UBASH3B: variants seen among roughly 807,000 people sequenced by gnomAD.
The protein encoded by UBASH3B is ubiquitin-associated and SH3 domain-containing protein B.
A neutral mutation model predicts 83.4 loss-of-function variants in UBASH3B; 37 were observed. That is an observed-to-expected ratio of 0.44 (90% CI 0.34 to 0.58). UBASH3B has a LOEUF of 0.58. Ranked by LOEUF, UBASH3B falls within the 20% of genes least tolerant of loss-of-function variation. UBASH3B has a pLI of 0.01. For missense variants in UBASH3B, 657 were observed against 827.2 expected (o/e 0.79, Z 2.52); for synonymous variants, 304 against 318.3 (o/e 0.96, Z 0.48).
chr11:122,776,444 G>C (rs1860736700), intron 2 of UBASH3B, among the ~76,000 whole-genome samples, 172 bp downstream of exon 2: 1 of 152,170 alleles, frequency 6.6e-6, no homozygotes, highest in Non-Finnish European at 1.5e-5. Flanking sequence ...CCTGGCCCCA[G>C]GGTATGTTTC....
intron 1 of UBASH3B, among the ~76,000 whole-genome samples, chr11:122,754,008 ACT>A (rs140826231): frequency 0.02 from 2,998 of 152,098 alleles, 41 homozygotes; most frequent in Non-Finnish European, 0.031. Flanking sequence ...TCATATCTGC[ACT>A]CTCTGACATG....
chr11:122,700,644 T>G (rs6589944), intron 1 of UBASH3B, among the ~76,000 whole-genome samples: 3 of 151,784 alleles, frequency 2.0e-5, no homozygotes, highest in Admixed American at 2.0e-4. Flanking sequence ...TTACAGGTGC[T>G]CACCACCACA....
intron 1 of UBASH3B, among the ~76,000 whole-genome samples, chr11:122,663,689 G>T (rs779419145): frequency 2.0e-5 from 3 of 152,146 alleles, no homozygotes; most frequent in Non-Finnish European, 4.4e-5. Flanking sequence ...TCCTTTCTTG[G>T]CCATCCAGAA....
intron 5 of UBASH3B, among the ~76,000 whole-genome samples, chr11:122,784,935 C>T (rs960436804): frequency 2.0e-5 from 3 of 151,992 alleles, no homozygotes; most frequent in Non-Finnish European, 2.9e-5. Flanking sequence ...TAGAACGAAC[C>T]CTGAAGATAA....
At chr11:122,763,224 A>G (rs76920923) in intron 1 of UBASH3B, among the ~76,000 whole-genome samples, 1,712 of 152,296 alleles carry the variant, frequency 0.011, 29 homozygotes, top group African/African-American at 0.039. Context: ...GTGTCTTATT[A>G]TGTCACCACC....
intron 1 of UBASH3B, among the ~76,000 whole-genome samples, chr11:122,741,091 T>TA (rs1477587620): frequency 6.6e-6 from 1 of 152,214 alleles, no homozygotes; most frequent in East Asian, 1.9e-4. Flanking sequence ...ATTCGCTCTT[T>TA]TCACCTTAAA....
chr11:122,806,395 AT>A lies in UBASH3B; in HGVS notation c.1596-10del. Reference sequence around the variant, plus strand: ...CAAAATGTTTTCATTTCCTTTGTTCATTTTTCTATTACAGACCTCACATTCC... The same window carrying A: ...CAAAATGTTTTCATTTCCTTTGTTCATTTTCTATTACAGACCTCACATTCC... On this transcript the variant is annotated splice_polypyrimidine_tract_variant and intron_variant, in intron 11 of 13. Transcript: ENST00000284273. The surrounding 1 kb of genome is among the most constrained non-coding windows in gnomAD (Gnocchi z 4.0). 1.3e-6 allele frequency: 2 copies of A among 1,585,714 alleles called. No homozygotes were observed. Among genetic ancestry groups the A allele is most frequent in the South Asian group, 2.4e-5 (2 of 84,214 alleles).
At chr11:122,711,052 T>G (rs1211115381) in intron 1 of UBASH3B, among the ~76,000 whole-genome samples, 2 of 152,234 alleles carry the variant, frequency 1.3e-5, no homozygotes, top group East Asian at 3.8e-4. Context: ...GGAGCCCTGT[T>G]CTCTGATGAC....
intron 1 of UBASH3B, among the ~76,000 whole-genome samples, chr11:122,761,866 A>G (rs1361102521): frequency 7.7e-6 from 1 of 130,230 alleles, no homozygotes; most frequent in East Asian, 2.3e-4. Context: ...ATCTCTGCTC[A>G]CTGCAACCTC....
At position 122,736,059 on chromosome 11, in the gene UBASH3B, GAT is replaced by G. The variant is rs529995270; in HGVS notation, c.162-40157_162-40156del. On this transcript the variant is annotated intron_variant, in intron 1 of 13. Coordinates refer to ENST00000284273, the MANE Select transcript of UBASH3B (RefSeq NM_032873.5). ...GCAGACTTGCCAGGTAAGAGACAAA[GAT>G]ATTCTGGCCCAAGACAGTGGAGGTT... is the stretch of plus-strand genomic sequence containing the variant. Among the ~76,000 whole-genome samples, 32 of 152,302 alleles carry G rather than the reference GAT, an allele frequency of 2.1e-4. 1 individual carries two copies. In the South Asian group the frequency reaches 6.2e-3, roughly 30 times the overall value.
intron 1 of UBASH3B, among the ~76,000 whole-genome samples, chr11:122,658,619 AT>A (rs1565519424): frequency 6.6e-6 from 1 of 152,250 alleles, no homozygotes; most frequent in African/African-American, 2.4e-5. Context: ...GAAGGGTTGC[AT>A]AACTTGCTCA....
intron 1 of UBASH3B, among the ~76,000 whole-genome samples, chr11:122,726,509 C>T (rs1860744925): frequency 6.6e-6 from 1 of 151,868 alleles, no homozygotes; most frequent in Non-Finnish European, 1.5e-5. Context: ...GCTACCATGC[C>T]CGGCTAATTT....
chr11:122,728,258 G>A (rs1327504872), intron 1 of UBASH3B, among the ~76,000 whole-genome samples: 1 of 152,136 alleles, frequency 6.6e-6, no homozygotes, highest in Admixed American at 6.6e-5. Context: ...CGTCATTTCT[G>A]TGGGCTTCCC....
intron 1 of UBASH3B, among the ~76,000 whole-genome samples, chr11:122,678,178 G>C (rs935687664): frequency 5.3e-5 from 8 of 152,146 alleles, no homozygotes; most frequent in Admixed American, 2.0e-4. Context: ...TTAAAGGTTA[G>C]GGCTTCAATA....
chr11:122,669,109 T>C (rs1863557295), intron 1 of UBASH3B, among the ~76,000 whole-genome samples: 1 of 152,218 alleles, frequency 6.6e-6, no homozygotes, highest in Admixed American at 6.5e-5. Context: ...TGTAGTAGCT[T>C]CCTATGGCTG....
chr11:122,668,079 A>C (rs1863544173), intron 1 of UBASH3B, among the ~76,000 whole-genome samples: 1 of 152,042 alleles, frequency 6.6e-6, no homozygotes, highest in Non-Finnish European at 1.5e-5. Context: ...TCTGCCTCCC[A>C]GGTTCAAGCG....
intron 1 of UBASH3B, chr11:122,775,925 CT>C: frequency 3.1e-6 from 1 of 326,650 alleles, no homozygotes; most frequent in Non-Finnish European, 5.5e-6. Flanking sequence ...ACATGACAAC[CT>C]TTAGAGAAGC....
At chr11:122,772,895 G>T (rs1281597708) in intron 1 of UBASH3B, among the ~76,000 whole-genome samples, 1 of 152,148 alleles carries the variant, frequency 6.6e-6, no homozygotes, top group Non-Finnish European at 1.5e-5. Context: ...AATCAGGAAG[G>T]TTAGGGCTAG....
chr11:122,794,708 T>C lies in UBASH3B; in HGVS notation c.987T>C (p.Tyr329=), dbSNP rs1463482668. ...TCCTTATCTTCCTCTGCAGTTCTTA[T>C]TCAATCTTAAATACATCGTCATCCA... ...ECSTWIFHGS[Y]SILNTSSSNS... Residue 329 remains tyrosine, a synonymous_variant, in exon 7 of 14, where the codon TAT becomes TAC. Coordinates refer to ENST00000284273, the MANE Select transcript of UBASH3B (RefSeq NM_032873.5). 5.6e-6 allele frequency: 9 copies of C among 1,614,100 alleles called. No individual in the cohort carries two copies. Among genetic ancestry groups the C allele is most frequent in the Non-Finnish European group, 7.6e-6 (9 of 1,179,990 alleles).
Sources: allele counts gnomAD v4.1 joint callset (sites outside exome capture counted in the v4.1 genomes callset), GRCh38; gene constraint gnomAD v4.1.1; non-coding constraint Gnocchi (gnomAD v3.1); transcripts MANE v1.5; gene names NCBI Gene and HGNC (gene_info 2026-07-23, HGNC 2026-07-21).